The following BCL2 variants were observed in gnomAD, a reference collection of about 807,000 sequenced individuals.
The protein encoded by BCL2 is apoptosis regulator Bcl-2.
In BCL2, 1 loss-of-function variant was observed where a neutral mutation model predicts 14.2. That is an observed-to-expected ratio of 0.07 (90% CI 0.02 to 0.33). BCL2 has a LOEUF of 0.33. Ranked by LOEUF, BCL2 falls within the 10% of genes least tolerant of loss-of-function variation. The probability of loss-of-function intolerance (pLI) is 0.99; values close to 1 mark genes in which losing one functional copy is unlikely to be tolerated. For missense variants in BCL2, 247 were observed against 305.9 expected (o/e 0.81, Z 1.44); for synonymous variants, 151 against 137.2 (o/e 1.10, Z -0.70).
intron 2 of BCL2, among the ~76,000 whole-genome samples, chr18:63,267,570 G>A (rs1190429209): frequency 6.6e-6 from 1 of 152,174 alleles, no homozygotes; most frequent in Non-Finnish European, 1.5e-5. Flanking sequence ...AGTGGCGGAG[G>A]GAGTAAGATG....
intron 2 of BCL2, chr18:63,207,646 C>T (rs933490627): frequency 6.6e-6 from 1 of 151,782 alleles, no homozygotes; most frequent in African/African-American, 2.4e-5. Context: ...CCTGGAACTT[C>T]TGCCTCCAGT....
At chr18:63,191,855 G>A (rs1017232721) in intron 2 of BCL2, among the ~76,000 whole-genome samples, 6 of 152,194 alleles carry the variant, frequency 3.9e-5, no homozygotes, top group East Asian at 1.9e-4. Context: ...ATAACTAAGC[G>A]TTGAGGCTGA....
chr18:63,144,670 C>A (rs1198228349), intron 2 of BCL2, among the ~76,000 whole-genome samples: 1 of 152,168 alleles, frequency 6.6e-6, no homozygotes, highest in Non-Finnish European at 1.5e-5. Flanking sequence ...GCTGAGGCCT[C>A]AGGACTTCAA....
chr18:63,128,714 C>G lies in BCL2; in HGVS notation c.631G>C (p.Asp211His), dbSNP rs753457022. 1.3e-6 allele frequency: 1 copy of G among 780,998 alleles called. No homozygotes were observed. Among genetic ancestry groups the G allele is most frequent in the Admixed American group, 1.7e-5 (1 of 59,036 alleles). The allele number at this position is 780,998 out of a possible 1,614,324, so 48.4% of individuals were successfully genotyped here. Residue 211 changes from aspartate to histidine, a missense_variant, in exon 3 of 3, where the codon GAT becomes CAT. Around this residue, in one of 3 missense-constraint regions of BCL2, gnomAD observed 36 missense variants for 24.9 expected, o/e 1.45. Transcript: ENST00000333681. ...GTCTTCAGAGACAGCCAGGAGAAAT[C>G]AAACAGAGGCCGCATGCTGGGGCCG... The part of the protein sequence containing the change: ...LYGPSMRPLF[D>H]FSWLSLKTLL...
chr18:63,206,124 C>T (rs1416678736), intron 2 of BCL2, among the ~76,000 whole-genome samples: 3 of 152,188 alleles, frequency 2.0e-5, no homozygotes, highest in Non-Finnish European at 2.9e-5. Flanking sequence ...GCCCCCTTCA[C>T]GGTGGTGTCC....
Position 63,213,146 on chromosome 18 carries a change from A to G in BCL2, c.586-84387T>C, listed in dbSNP as rs972890797. ...CTTTTGCTCCCATAACCTCCCCTAC[A>G]TAGGTTGGTTTCAGATTCTCCAATA... On this transcript the variant is annotated intron_variant, in intron 2 of 2. Coordinates refer to ENST00000333681, the MANE Select transcript of BCL2 (RefSeq NM_000633.3). 3.9e-5 allele frequency among the ~76,000 whole-genome samples: 6 copies of G among 152,192 alleles called. No individual in the cohort carries two copies. In the East Asian group the frequency reaches 5.8e-4, roughly 15 times the overall value.
intron 2 of BCL2, among the ~76,000 whole-genome samples, chr18:63,308,038 T>C (rs1367673988): frequency 6.6e-6 from 1 of 152,226 alleles, no homozygotes; most frequent in Non-Finnish European, 1.5e-5. Context: ...ATGAGGGTTC[T>C]CAAAATACAA....
At chr18:63,314,047 A>G (rs1913418142) in intron 2 of BCL2, 1 of 152,224 alleles carries the variant, frequency 6.6e-6, no homozygotes, top group African/African-American at 2.4e-5. Flanking sequence ...AAATTTTATG[A>G]ATGTCCAGAA....
At chr18:63,227,997 G>A (rs183361208) in intron 2 of BCL2, among the ~76,000 whole-genome samples, 1 of 152,320 alleles carries the variant, frequency 6.6e-6, no homozygotes. Flanking sequence ...GGTGCTGGCT[G>A]ATTTCATTTC....
rs1913601049 is a variant in BCL2 at position 63,318,874 on chromosome 18, A to T, written c.-208T>A. ...TGAGATGCAGGAAATTTTTATTCCA[A>T]TTCCTTTCGGATCTTTATTTCATGA... On this transcript the variant is annotated 5_prime_UTR_variant, in exon 2 of 3. In the 5' UTR this introduces an upstream ATG that the reference lacks. Coordinates refer to ENST00000333681, the MANE Select transcript of BCL2 (RefSeq NM_000633.3). The surrounding 1 kb of genome is among the most constrained non-coding windows in gnomAD (Gnocchi z 7.4). The T allele has an allele frequency of 7.1e-7, 1 of 1,412,752 alleles. No homozygotes were observed. The highest frequency in any genetic ancestry group is 9.2e-7 in the Non-Finnish European group (1 of 1,081,532). The allele number at this position is 1,412,752 out of a possible 1,614,324, so 87.5% of individuals were successfully genotyped here.
chr18:63,174,505 T>C (rs150189185), intron 2 of BCL2, among the ~76,000 whole-genome samples: 107 of 152,206 alleles, frequency 7.0e-4, no homozygotes, highest in African/African-American at 2.4e-3. Context: ...TAAAAAATGG[T>C]ACATTCATTT....
In BCL2 at chr18:63,317,994, C is replaced by T. The variant is rs541138483; in HGVS notation, c.585+88G>A. On this transcript the variant is annotated intron_variant, in intron 2 of 2. Coordinates refer to ENST00000333681, the MANE Select transcript of BCL2 (RefSeq NM_000633.3). ...TTTATTTCGCCGGCTCCACAGCCTC[C>T]CATTGCCCCAGGAGCCCACCCGCAC... is the stretch of plus-strand genomic sequence containing the variant. 107 of 1,530,416 alleles carry T rather than the reference C, an allele frequency of 7.0e-5. No individual in the cohort carries two copies. The African/African-American group carries it at 1.0e-3, about 15-fold the overall frequency. The allele number at this position is 1,530,416 out of a possible 1,614,324, so 94.8% of individuals were successfully genotyped here.
chr18:63,267,692 G>A (rs571150307), intron 2 of BCL2, among the ~76,000 whole-genome samples: 1 of 152,318 alleles, frequency 6.6e-6, no homozygotes, highest in African/African-American at 2.4e-5. Flanking sequence ...ATATCCTTGA[G>A]AGGTATCAGC....
At chr18:63,209,947 C>T (rs972494322) in intron 2 of BCL2, among the ~76,000 whole-genome samples, 4 of 152,162 alleles carry the variant, frequency 2.6e-5, no homozygotes, top group African/African-American at 7.2e-5. Flanking sequence ...TGGCTCCAGA[C>T]ACCTGCTGAA....
At chr18:63,291,864 T>C (rs1406553811) in intron 2 of BCL2, among the ~76,000 whole-genome samples, 1 of 152,110 alleles carries the variant, frequency 6.6e-6, no homozygotes, top group East Asian at 1.9e-4. Flanking sequence ...ATTCTTAGAA[T>C]CCTAAACAAA....
chr18:63,284,912 G>C (rs1250758751), intron 2 of BCL2, among the ~76,000 whole-genome samples: 1 of 152,194 alleles, frequency 6.6e-6, no homozygotes, highest in East Asian at 1.9e-4. Context: ...GGCTCCAGGG[G>C]CTGGCTCCCA....
At chr18:63,129,674 G>A (rs1423058324) in intron 2 of BCL2, among the ~76,000 whole-genome samples, 1 of 152,228 alleles carries the variant, frequency 6.6e-6, no homozygotes, top group Non-Finnish European at 1.5e-5. Flanking sequence ...TTTTTAACAA[G>A]TGGCAGAGCC....
rs368344129 is a variant in BCL2, at chr18:63,318,528, C to T, written c.139G>A (p.Gly47Ser). 43 of 1,576,440 alleles carry T rather than the reference C, an allele frequency of 2.7e-5. No individual in the cohort carries two copies. Among genetic ancestry groups the T allele is most frequent in the East Asian group, 1.5e-4 (6 of 41,320 alleles). ...TGCCCGGGCTGGGAGGAGAAGATGCCCGGTGCGGGGGCGGCCCCCGGGGGC... is the reference window on the plus strand; with the variant it reads ...TGCCCGGGCTGGGAGGAGAAGATGCTCGGTGCGGGGGCGGCCCCCGGGGGC... ...AAPPGAAPAP[G>S]IFSSQPGHTP... The change falls in exon 2 of 3, where the codon GGC (glycine) becomes AGC (serine). Residue 47 changes from glycine to serine, a missense_variant. Around this residue, in one of 3 missense-constraint regions of BCL2, gnomAD observed 144 missense variants for 135.3 expected, o/e 1.06. Coordinates refer to ENST00000333681, the MANE Select transcript of BCL2 (RefSeq NM_000633.3). The surrounding 1 kb of genome is among the most constrained non-coding windows in gnomAD (Gnocchi z 7.4).
At chr18:63,182,286 G>A (rs1003047586) in intron 2 of BCL2, among the ~76,000 whole-genome samples, 6 of 152,192 alleles carry the variant, frequency 3.9e-5, no homozygotes, top group African/African-American at 1.4e-4. Context: ...GCCACAGCCT[G>A]CACAATCAGG....
Sources: allele counts gnomAD v4.1 joint callset (sites outside exome capture counted in the v4.1 genomes callset), GRCh38; gene constraint gnomAD v4.1.1; regional missense constraint gnomAD v4.1.1; non-coding constraint Gnocchi (gnomAD v3.1); transcripts MANE v1.5; gene names NCBI Gene and HGNC (gene_info 2026-07-23, HGNC 2026-07-21).